TPO: variants seen among roughly 807,000 people sequenced by gnomAD.
TPO encodes thyroid peroxidase, also known as thyroid microsomal antigen.
A neutral mutation model predicts 96.9 loss-of-function variants in TPO; 78 were observed. The ratio of observed to expected loss-of-function variants is 0.81; its 90% CI spans 0.67 to 0.97. The LOEUF is 0.97. Among genes scored for constraint, TPO ranks in the 50% least tolerant of loss-of-function variants. The probability of loss-of-function intolerance (pLI) is 0.00; values close to 1 mark genes in which losing one functional copy is unlikely to be tolerated. For synonymous variants in TPO, 547 were observed against 538.0 expected (o/e 1.02, Z -0.23); for missense variants, 1,252 against 1,274.8 (o/e 0.98, Z 0.27).
chr2:1,495,895 C>T, intron 11 of TPO, 94 bp from the exon 12 acceptor site: 1 of 1,401,068 alleles, frequency 7.1e-7, no homozygotes, highest in South Asian at 1.2e-5. Context: ...GCAGGAGAGG[C>T]TGGCAGCACA....
intron 1 of TPO, among the ~76,000 whole-genome samples, chr2:1,395,531 T>C (rs1466441232): frequency 6.6e-6 from 1 of 152,212 alleles, no homozygotes; most frequent in Admixed American, 6.5e-5. Flanking sequence ...TTTCCTAATT[T>C]TATGTATAAT....
chr2:1,537,533 C>CCCCCACAGTGTGCAA (rs1680081544), intron 15 of TPO, among the ~76,000 whole-genome samples: 2 of 77,504 alleles, frequency 2.6e-5, no homozygotes, highest in Admixed American at 1.3e-4. Flanking sequence ...CTCCGCCTAT[C>CCCCCACAGTGTGCAA]CCCCCCAGTG....
chr2:1,485,476 G>A (rs993592553), intron 9 of TPO, among the ~76,000 whole-genome samples: 40 of 151,930 alleles, frequency 2.6e-4, no homozygotes, highest in Non-Finnish European at 8.8e-5. Context: ...TTGAGGAATC[G>A]CCACACTGTC....
chr2:1,537,817 CA>C, intron 15 of TPO, among the ~76,000 whole-genome samples: 2 of 102,576 alleles, frequency 1.9e-5, no homozygotes, highest in Non-Finnish European at 2.1e-5. Flanking sequence ...CAAATCCCCC[CA>C]CTGTGAGCAA....
At chr2:1,383,463 T>C (rs1048785249) in intron 1 of TPO, among the ~76,000 whole-genome samples, 1 of 152,260 alleles carries the variant, frequency 6.6e-6, no homozygotes, top group African/African-American at 2.4e-5. Flanking sequence ...GATTTGCATT[T>C]CTCTGATGGC....
chr2:1,429,239 G>A (rs1055418977), intron 3 of TPO, among the ~76,000 whole-genome samples: 12 of 151,364 alleles, frequency 7.9e-5, no homozygotes, highest in Admixed American at 2.6e-4. Context: ...CTCTTACTCC[G>A]GGACCTGACC....
chr2:1,493,932 T>G lies in TPO; in HGVS notation c.1899T>G (p.Asp633Glu). ...TGTACAAGCATCCTGACAACATCGA[T>G]GTCTGGCTGGGAGGCTTAGCTGAAA... ...LDLYKHPDNI[D>E]VWLGGLAENF... Residue 633 changes from aspartate (D) to glutamate (E), a missense_variant, in exon 11 of 17, where the codon GAT becomes GAG. Transcript: ENST00000329066. 6.2e-7 allele frequency: 1 copy of G among 1,614,164 alleles called. No homozygotes were observed. Among genetic ancestry groups the G allele is most frequent in the Non-Finnish European group, 8.5e-7 (1 of 1,180,030 alleles).
intron 13 of TPO, among the ~76,000 whole-genome samples, chr2:1,499,206 G>GCGCGTGCCCTCTGACCTTC (rs1672638937): frequency 1.3e-5 from 2 of 152,098 alleles, no homozygotes; most frequent in South Asian, 4.2e-4. Flanking sequence ...TGCCCCCTGT[G>GCGCGTGCCCTCTGACCTTC]CGCGTGCCCT....
chr2:1,454,508 C>CT (rs770042149), intron 6 of TPO, among the ~76,000 whole-genome samples: 2 of 152,136 alleles, frequency 1.3e-5, no homozygotes, highest in Non-Finnish European at 2.9e-5. Context: ...CCTAGGCGGG[C>CT]TTTTAGTAAG....
intron 5 of TPO, among the ~76,000 whole-genome samples, chr2:1,443,630 C>A (rs1355807776): frequency 2.1e-5 from 2 of 95,270 alleles, no homozygotes; most frequent in South Asian, 4.3e-4. Context: ...TGGAAGGGAA[C>A]GGGGCAGGCT....
intron 7 of TPO, among the ~76,000 whole-genome samples, chr2:1,463,931 G>T (rs1308276778): frequency 6.6e-6 from 1 of 152,202 alleles, no homozygotes; most frequent in Non-Finnish European, 1.5e-5. Context: ...ATTGAGAACA[G>T]GTGGTGTTTG....
At chr2:1,517,131 C>T (rs540143078) in intron 15 of TPO, 149 bp downstream of exon 15, 47 of 795,478 alleles carry the variant, frequency 5.9e-5, no homozygotes, top group South Asian at 1.5e-4. Flanking sequence ...TTTTGTACAA[C>T]GTAATAGACT....
At chr2:1,515,433 G>A (rs1674588103) in intron 14 of TPO, among the ~76,000 whole-genome samples, 1 of 152,222 alleles carries the variant, frequency 6.6e-6, no homozygotes. Context: ...ATGGTTAGAG[G>A]AGCCCAGGAG....
chr2:1,525,571 C>G (rs113406465), intron 15 of TPO, among the ~76,000 whole-genome samples: 1 of 97,018 alleles, frequency 1.0e-5, no homozygotes, highest in Non-Finnish European at 2.0e-5. Context: ...TGTGTGCAAA[C>G]CCCCCAAATC....
At chr2:1,505,563 C>G (rs1214663956) in intron 14 of TPO, among the ~76,000 whole-genome samples, 2 of 147,700 alleles carry the variant, frequency 1.4e-5, no homozygotes, top group East Asian at 4.1e-4. Context: ...GCCCCCAACC[C>G]CCATGTCAGG....
intron 7 of TPO, among the ~76,000 whole-genome samples, chr2:1,459,259 CT>C (rs917444849): frequency 5.3e-5 from 8 of 152,012 alleles, no homozygotes; most frequent in African/African-American, 1.9e-4. Flanking sequence ...TCAAGCAATA[CT>C]TCTGCCTCAG....
At position 1,487,923 on chromosome 2, in the gene TPO, T is replaced by A; in HGVS notation, c.1700T>A (p.Leu567Gln). 1.2e-6 allele frequency: 2 copies of A among 1,614,206 alleles called. No homozygotes were observed. The highest frequency in any genetic ancestry group is 1.7e-6 in the Non-Finnish European group (2 of 1,180,044). Residue 567 changes from leucine (L) to glutamine (Q), a missense_variant, in exon 10 of 17, where the codon CTG becomes CAG. Leu to Gln is a moderately radical substitution (Grantham distance 113). Transcript: ENST00000329066. ...NEELTERLFV[L>Q]SNSSTLDLAS... ...GAGCTGACGGAAAGGCTCTTTGTGC[T>A]GTCCAATTCCAGCACCTTGGATCTG...
At chr2:1,394,915 C>T (rs1047348714) in intron 1 of TPO, among the ~76,000 whole-genome samples, 12 of 152,150 alleles carry the variant, frequency 7.9e-5, no homozygotes, top group African/African-American at 2.9e-4. Flanking sequence ...TGATTCCAGG[C>T]TCCTAGTCAC....
chr2:1,422,563 G>A (rs539885493), intron 2 of TPO, among the ~76,000 whole-genome samples: 5 of 152,326 alleles, frequency 3.3e-5, no homozygotes, highest in East Asian at 1.9e-4. Flanking sequence ...TACCGCGTCC[G>A]GAACTTCACG....
Sources: gnomAD v4.1 joint callset for allele counts (sites outside exome capture counted in the v4.1 genomes callset) on GRCh38, gnomAD v4.1.1 for gene constraint, MANE v1.5 for transcripts, NCBI Gene and HGNC (gene_info 2026-07-23, HGNC 2026-07-21) for gene names.